Variants in RGS7 observed in about 807,000 individuals in gnomAD.
The protein encoded by RGS7 is regulator of G protein signaling 7, also known as regulator of G-protein signaling 7.
Under a neutral mutation model 81.1 loss-of-function variants are expected in RGS7, and 27 were observed. The ratio of observed to expected loss-of-function variants is 0.33; its 90% CI spans 0.25 to 0.46. The LOEUF (loss-of-function observed/expected upper bound fraction) is 0.46, where lower values mean the gene tolerates loss of function less well. Ranked by LOEUF, RGS7 falls within the 20% of genes least tolerant of loss-of-function variation. The pLI is 1.00. For missense variants in RGS7, 396 were observed against 607.4 expected (o/e 0.65, Z 3.66); for synonymous variants, 208 against 207.7 (o/e 1.00, Z -0.01).
intron 2 of RGS7, among the ~76,000 whole-genome samples, chr1:241,263,212 G>A (rs941323757): frequency 6.6e-6 from 1 of 152,170 alleles, no homozygotes; most frequent in Non-Finnish European, 1.5e-5. Context: ...GGAAGGTAGA[G>A]GTTGCAGTGA....
intron 3 of RGS7, among the ~76,000 whole-genome samples, chr1:241,004,217 C>CTT (rs1219626326): frequency 6.6e-6 from 1 of 152,142 alleles, no homozygotes; most frequent in African/African-American, 2.4e-5. Flanking sequence ...TTACAAAATG[C>CTT]TTAGACCTCC....
intron 2 of RGS7, among the ~76,000 whole-genome samples, chr1:241,150,421 C>T (rs1305568060): frequency 6.6e-6 from 1 of 151,718 alleles, no homozygotes; most frequent in South Asian, 2.1e-4. Flanking sequence ...AACAAGATAA[C>T]CAGAAAAAAA....
chr1:241,115,922 T>A (rs1452597852), intron 2 of RGS7, among the ~76,000 whole-genome samples: 2 of 152,102 alleles, frequency 1.3e-5, no homozygotes, highest in African/African-American at 4.8e-5. Context: ...ATTTCCCCCT[T>A]GCTGTTCTTA....
chr1:240,813,471 T>C (rs1181979345), intron 13 of RGS7, 147 bp downstream of exon 13: 6 of 673,992 alleles, frequency 8.9e-6, no homozygotes, highest in African/African-American at 1.8e-5. Context: ...TCAAAAGCCA[T>C]GATCTCGAAC....
chr1:241,034,566 A>G (rs1309554474), intron 3 of RGS7, among the ~76,000 whole-genome samples: 1 of 152,230 alleles, frequency 6.6e-6, no homozygotes, highest in Non-Finnish European at 1.5e-5. Context: ...AGACAGCTAC[A>G]CAGCTCCTCT....
chr1:241,172,418 A>T (rs970004007), intron 2 of RGS7, among the ~76,000 whole-genome samples: 8 of 152,232 alleles, frequency 5.3e-5, no homozygotes, highest in Non-Finnish European at 1.0e-4. Context: ...GGAAAAAAAT[A>T]AGAGCATCTT....
rs756412081 is a variant in RGS7, at chr1:240,930,713, T to C, written c.385+4A>G. 1.5e-5 allele frequency: 24 copies of C among 1,613,424 alleles called. No individual in the cohort carries two copies. The Admixed American group carries it at 3.7e-4, about 25-fold the overall frequency. Reference sequence around the variant, plus strand: ...ATAATAAAATAATGAGAGATGGCACTGACCATAATCTGTGTTTTCCGGCTC... The same window carrying C: ...ATAATAAAATAATGAGAGATGGCACCGACCATAATCTGTGTTTTCCGGCTC... On this transcript the variant is annotated splice_donor_region_variant and intron_variant, in intron 6 of 18. Transcript: ENST00000440928.
chr1:240,968,725 T>C (rs1682738490), intron 4 of RGS7, among the ~76,000 whole-genome samples: 1 of 152,134 alleles, frequency 6.6e-6, no homozygotes, highest in African/African-American at 2.4e-5. Flanking sequence ...TTGAGACAAA[T>C]GACAATGAAG....
rs371693433 is a variant in RGS7 at position 241,058,488 on chromosome 1, T to G, written c.175+40178A>C. Reference sequence around the variant, plus strand: ...GTACTTTGCTTTCTTTGAATTCATTTGCTTTATTTGAATTCTTTCTTCTGA... The same window carrying G: ...GTACTTTGCTTTCTTTGAATTCATTGGCTTTATTTGAATTCTTTCTTCTGA... On this transcript the variant is annotated intron_variant, in intron 3 of 18. Coordinates refer to ENST00000440928, the MANE Select transcript of RGS7 (RefSeq NM_001364886.1). Among the ~76,000 whole-genome samples the G allele has an allele frequency of 6.2e-4, 94 of 152,354 alleles. 1 individual carries two copies. Among genetic ancestry groups the G allele is most frequent in the African/African-American group, 2.2e-3 (91 of 41,586 alleles).
intron 2 of RGS7, among the ~76,000 whole-genome samples, chr1:241,259,663 A>ATATAT: frequency 1.4e-5 from 1 of 70,390 alleles, no homozygotes; most frequent in East Asian, 3.3e-4. Context: ...AAAAAAAAAA[A>ATATAT]AAAAATATAT....
intron 2 of RGS7, among the ~76,000 whole-genome samples, chr1:241,238,829 A>C (rs1354025533): frequency 6.6e-6 from 1 of 152,234 alleles, no homozygotes; most frequent in Non-Finnish European, 1.5e-5. Context: ...GTCTAGAAGA[A>C]TCAAAGATGG....
intron 11 of RGS7, among the ~76,000 whole-genome samples, chr1:240,815,377 C>T (rs969350474): frequency 4.6e-5 from 7 of 151,996 alleles, no homozygotes; most frequent in Admixed American, 1.3e-4. Flanking sequence ...AGATTTTAAA[C>T]GTTCATTCAT....
chr1:241,226,846 C>T (rs1467919340), intron 2 of RGS7, among the ~76,000 whole-genome samples: 1 of 152,114 alleles, frequency 6.6e-6, no homozygotes, highest in Non-Finnish European at 1.5e-5. Context: ...TTTGGCTTTG[C>T]TTTTTTAAAT....
At position 241,208,936 on chromosome 1, in the gene RGS7, C is replaced by T. The variant is rs139173923; in HGVS notation, c.79-110174G>A. Among the ~76,000 whole-genome samples the T allele has an allele frequency of 1.5e-4, 23 of 152,262 alleles. No individual in the cohort carries two copies. The East Asian group carries it at 1.5e-3, about 10-fold the overall frequency. ...GCTTACCTAAGAGATGTCAGAGGGA[C>T]GGACAGAAACCTATCAGCGCTCAGG... On this transcript the variant is annotated intron_variant, in intron 2 of 18. Coordinates refer to ENST00000440928, the MANE Select transcript of RGS7 (RefSeq NM_001364886.1).
At chr1:241,334,126 G>A (rs1004434326) in intron 2 of RGS7, among the ~76,000 whole-genome samples, 3 of 151,768 alleles carry the variant, frequency 2.0e-5, no homozygotes, top group African/African-American at 7.3e-5. Flanking sequence ...TCCCCAAAAA[G>A]GTAAACTAGA....
At chr1:241,085,507 C>T (rs1003228543) in intron 3 of RGS7, among the ~76,000 whole-genome samples, 1 of 152,176 alleles carries the variant, frequency 6.6e-6, no homozygotes, top group Non-Finnish European at 1.5e-5. Context: ...TCACTGCAAC[C>T]TCCGCCTCCC....
chr1:241,074,099 C>T (rs1430580836), intron 3 of RGS7, among the ~76,000 whole-genome samples: 1 of 152,024 alleles, frequency 6.6e-6, no homozygotes, highest in Non-Finnish European at 1.5e-5. Flanking sequence ...TGGGGTTTTG[C>T]CATGTTGGCC....
chr1:241,220,946 G>C (rs1280485638), intron 2 of RGS7, among the ~76,000 whole-genome samples: 2 of 105,432 alleles, frequency 1.9e-5, no homozygotes, highest in African/African-American at 3.7e-5. Flanking sequence ...AAGGAAGGAA[G>C]AAGCAAGGAA....
chr1:241,259,663 A>AT lies in RGS7; in HGVS notation c.78+96035_78+96036insA, dbSNP rs1169852432. 5.7e-5 allele frequency among the ~76,000 whole-genome samples: 4 copies of AT among 70,364 alleles called. 1 individual carries two copies. Among genetic ancestry groups the AT allele is most frequent in the South Asian group, 5.5e-4 (1 of 1,826 alleles). 46.2% of individuals were successfully genotyped at this position (70,364 alleles called of 152,430 possible). The stretch of plus-strand genomic sequence containing the variant: ...GAAACTCCGTCTCAAAAAAAAAAAA[A>AT]AAAAATATATATATATATATATAAT... On this transcript the variant is annotated intron_variant, in intron 2 of 18. Coordinates refer to ENST00000440928, the MANE Select transcript of RGS7 (RefSeq NM_001364886.1).
Sources: gnomAD v4.1 joint callset for allele counts (sites outside exome capture counted in the v4.1 genomes callset) on GRCh38, gnomAD v4.1.1 for gene constraint, MANE v1.5 for transcripts, NCBI Gene and HGNC (gene_info 2026-07-23, HGNC 2026-07-21) for gene names.